GPATCH2: variants seen among roughly 807,000 people sequenced by gnomAD.
GPATCH2 encodes the protein G-patch domain containing 2.
In GPATCH2, 51 loss-of-function variants were observed where a neutral mutation model predicts 58.0. The ratio of observed to expected loss-of-function variants is 0.88; its 90% CI spans 0.70 to 1.11. GPATCH2 has a LOEUF of 1.11. Among genes scored for constraint, GPATCH2 ranks in the 50% most tolerant of loss-of-function variants. GPATCH2 has a pLI of 0.00. For synonymous variants in GPATCH2, 222 were observed against 218.5 expected, an observed-to-expected ratio of 1.02 and a Z score of -0.14; for missense variants, 625 against 652.2, an observed-to-expected ratio of 0.96 and a Z score of 0.45.
chr1:217,563,653 A>C (rs934269476), intron 5 of GPATCH2, among the ~76,000 whole-genome samples: 1 of 152,246 alleles, frequency 6.6e-6, no homozygotes, highest in African/African-American at 2.4e-5. Context: ...TTGACCCAAC[A>C]TAACTATAAT....
intron 8 of GPATCH2, among the ~76,000 whole-genome samples, chr1:217,471,690 C>A (rs895111414): frequency 3.3e-5 from 5 of 151,954 alleles, no homozygotes; most frequent in African/African-American, 1.2e-4. Context: ...TGTTTTGTTT[C>A]TCTGATTAAA....
At chr1:217,498,588 G>A (rs1662127038) in intron 6 of GPATCH2, 193 bp from the exon 7 acceptor site, 10 of 589,376 alleles carry the variant, frequency 1.7e-5, no homozygotes, top group Non-Finnish European at 2.7e-5. Flanking sequence ...CTCATAACCT[G>A]GTAATTTTCA....
At chr1:217,582,229 C>G (rs965715541) in intron 5 of GPATCH2, among the ~76,000 whole-genome samples, 1 of 152,056 alleles carries the variant, frequency 6.6e-6, no homozygotes, top group African/African-American at 2.4e-5. Context: ...TTAACTGTCA[C>G]AGAAAAGACA....
chr1:217,544,832 T>G lies in GPATCH2; in HGVS notation c.1099-29943A>C, dbSNP rs187189353. ...TATAAATGAATACTTTTTCATTTCC[T>G]GCCCTGAAACTGTAAACTTAACTCC... On this transcript the variant is annotated intron_variant, in intron 5 of 9. Coordinates refer to ENST00000366935, the MANE Select transcript of GPATCH2 (RefSeq NM_018040.5). 2.0e-5 allele frequency among the ~76,000 whole-genome samples: 3 copies of G among 152,368 alleles called. No homozygotes were observed. In the East Asian group the frequency reaches 5.8e-4, roughly 29 times the overall value.
rs1398371362 is a variant in GPATCH2 at position 217,610,322 on chromosome 1, A to G, written c.1097T>C (p.Met366Thr). 4 of 1,570,652 alleles carry G rather than the reference A, an allele frequency of 2.5e-6. No individual in the cohort carries two copies. The highest frequency in any genetic ancestry group is 3.5e-6 in the Non-Finnish European group (4 of 1,141,604). ...IKKSGGTPTS[M>T]VPIPGPVGNK... ...ATTACACAGAAAAAGTATGCCTACC[A>G]TTGAAGTTGGAGTCCCTCCAGATTT... is the stretch of plus-strand genomic sequence containing the variant. Residue 366 changes from methionine to threonine, a missense_variant and splice_region_variant, in exon 5 of 10, where the codon ATG becomes ACG. Physicochemically the swap from Met to Thr is moderately conservative, Grantham distance 81. Transcript: ENST00000366935.
At chr1:217,605,664 G>A (rs1668326575) in intron 5 of GPATCH2, among the ~76,000 whole-genome samples, 1 of 152,152 alleles carries the variant, frequency 6.6e-6, no homozygotes, top group East Asian at 1.9e-4. Flanking sequence ...TGTAACACCT[G>A]TTGTAAGACC....
intron 2 of GPATCH2, among the ~76,000 whole-genome samples, chr1:217,616,968 C>T (rs1013215730): frequency 6.6e-6 from 1 of 152,122 alleles, no homozygotes; most frequent in Non-Finnish European, 1.5e-5. Context: ...GTTCTCTCTG[C>T]TATCATATCG....
Position 217,614,146 on chromosome 1 carries a change from C to G in GPATCH2, c.830G>C (p.Arg277Thr), listed in dbSNP as rs370437911. The change falls in exon 3 of 10, where the codon AGA (arginine) becomes ACA (threonine). Residue 277 changes from arginine to threonine, a missense_variant. Physicochemically the swap from Arg to Thr is moderately conservative, Grantham distance 71. Transcript: ENST00000366935. Reference protein sequence around the residue: ...DAGLFTNDEGRQGDDEQSDWF... With the variant: ...DAGLFTNDEGTQGDDEQSDWF... ...AAAAAATATCATTTCAGTACCTTGT[C>G]TTCCCTCATCATTGGTAAACAATCC... 6.5e-7 allele frequency: 1 copy of G among 1,538,172 alleles called. No homozygotes were observed. Among genetic ancestry groups the G allele is most frequent in the African/African-American group, 1.4e-5 (1 of 73,496 alleles).
intron 1 of GPATCH2, among the ~76,000 whole-genome samples, chr1:217,624,597 T>C (rs1049657999): frequency 2.0e-5 from 3 of 152,218 alleles, no homozygotes; most frequent in Non-Finnish European, 4.4e-5. Flanking sequence ...CCTTGGCAGT[T>C]TACACTGATG....
chr1:217,543,653 A>G (rs537418815), intron 5 of GPATCH2, among the ~76,000 whole-genome samples: 1 of 152,342 alleles, frequency 6.6e-6, no homozygotes, highest in African/African-American at 2.4e-5. Flanking sequence ...ATAGTGTGAG[A>G]ATAATTAAGA....
At chr1:217,603,915 G>T (rs990605931) in intron 5 of GPATCH2, among the ~76,000 whole-genome samples, 3 of 152,046 alleles carry the variant, frequency 2.0e-5, no homozygotes, top group Non-Finnish European at 1.5e-5. Context: ...GAGCCACCGT[G>T]CCTGGCCCAA....
intron 1 of GPATCH2, among the ~76,000 whole-genome samples, chr1:217,625,706 G>A (rs77107587): frequency 3.3e-4 from 50 of 152,238 alleles, no homozygotes; most frequent in Non-Finnish European, 6.6e-4. Flanking sequence ...AAAACTGGCC[G>A]GAAGCAGTGA....
At chr1:217,599,789 C>A (rs1036929547) in intron 5 of GPATCH2, among the ~76,000 whole-genome samples, 1 of 151,950 alleles carries the variant, frequency 6.6e-6, no homozygotes, top group Non-Finnish European at 1.5e-5. Context: ...ATTCATCTGA[C>A]AAATGATATA....
chr1:217,600,447 G>A (rs538421545), intron 5 of GPATCH2, among the ~76,000 whole-genome samples: 19 of 152,120 alleles, frequency 1.2e-4, no homozygotes, highest in South Asian at 8.3e-4. Context: ...GGTGACTTCC[G>A]TATAGAAAGT....
At chr1:217,489,939 C>T (rs1355514722) in intron 8 of GPATCH2, among the ~76,000 whole-genome samples, 4 of 152,212 alleles carry the variant, frequency 2.6e-5, no homozygotes, top group Non-Finnish European at 4.4e-5. Flanking sequence ...TACATTATTA[C>T]AATTATCACT....
At chr1:217,572,212 T>C (rs1240600998) in intron 5 of GPATCH2, among the ~76,000 whole-genome samples, 1 of 152,114 alleles carries the variant, frequency 6.6e-6, no homozygotes, top group African/African-American at 2.4e-5. Flanking sequence ...TGATAGCTAG[T>C]AGAAGAATTA....
chr1:217,624,229 T>G (rs759263940), intron 1 of GPATCH2, among the ~76,000 whole-genome samples: 10 of 151,870 alleles, frequency 6.6e-5, no homozygotes, highest in Non-Finnish European at 1.2e-4. Flanking sequence ...CAGTTAAAAC[T>G]GGCATCGGCA....
chr1:217,506,859 A>G (rs1050264387), intron 6 of GPATCH2, among the ~76,000 whole-genome samples: 1 of 152,216 alleles, frequency 6.6e-6, no homozygotes, highest in African/African-American at 2.4e-5. Flanking sequence ...TCTTGCCACC[A>G]GTTCACTTAG....
intron 3 of GPATCH2, among the ~76,000 whole-genome samples, chr1:217,612,637 G>A (rs185855095): frequency 2.0e-5 from 3 of 152,214 alleles, no homozygotes; most frequent in African/African-American, 7.2e-5. Context: ...AGAAAAAACA[G>A]GGCCTCACTT....
Sources: gnomAD v4.1 joint callset for allele counts (sites outside exome capture counted in the v4.1 genomes callset) on GRCh38, gnomAD v4.1.1 for gene constraint, MANE v1.5 for transcripts, NCBI Gene and HGNC (gene_info 2026-07-23, HGNC 2026-07-21) for gene names.